NDST3: variants seen among roughly 807,000 people sequenced by gnomAD.
NDST3 encodes the protein N-deacetylase and N-sulfotransferase 3.
NDST3 carries 58 observed loss-of-function variants against 96.1 expected under a neutral mutation model. The ratio of observed to expected loss-of-function variants is 0.60; its 90% CI spans 0.49 to 0.75. The LOEUF (loss-of-function observed/expected upper bound fraction) is 0.75. NDST3 is among the 30% of genes least tolerant of loss of function. NDST3 has a pLI of 0.00. For missense variants in NDST3, 788 were observed against 1,034.2 expected, an observed-to-expected ratio of 0.76 and a Z score of 3.27; for synonymous variants, 333 against 359.7, an observed-to-expected ratio of 0.93 and a Z score of 0.84.
chr4:118,097,948 T>C (rs1729477523), intron 2 of NDST3, among the ~76,000 whole-genome samples: 1 of 151,954 alleles, frequency 6.6e-6, no homozygotes, highest in South Asian at 2.1e-4. Flanking sequence ...ACATTGCTCA[T>C]GGAGTTTATA....
At chr4:118,086,072 A>AT (rs34238547) in intron 2 of NDST3, among the ~76,000 whole-genome samples, 2 of 152,070 alleles carry the variant, frequency 1.3e-5, no homozygotes, top group Admixed American at 6.6e-5. Flanking sequence ...GTAGGTCTTT[A>AT]TTTTTTCAGG....
chr4:118,146,971 A>G (rs1379578546), intron 6 of NDST3, among the ~76,000 whole-genome samples: 2 of 152,216 alleles, frequency 1.3e-5, no homozygotes, highest in Admixed American at 6.5e-5. Context: ...TATGTTAATC[A>G]TAGGAACTTG....
At chr4:118,121,376 AT>A (rs1731554977) in intron 4 of NDST3, among the ~76,000 whole-genome samples, 1 of 152,168 alleles carries the variant, frequency 6.6e-6, no homozygotes, top group Non-Finnish European at 1.5e-5. Flanking sequence ...ATATCTAATT[AT>A]TTTTAGAATT....
In NDST3 at chr4:118,162,861, G is replaced by A. The variant is rs551600269; in HGVS notation, c.1539+19177G>A. Among the ~76,000 whole-genome samples, 276 of 148,322 alleles carry A rather than the reference G, an allele frequency of 1.9e-3. 2 individuals are homozygous for A. Among genetic ancestry groups the A allele is most frequent in the African/African-American group, 6.5e-3 (265 of 40,502 alleles). On this transcript the variant is annotated intron_variant, in intron 6 of 13. Coordinates refer to ENST00000296499, the MANE Select transcript of NDST3 (RefSeq NM_004784.3). The stretch of plus-strand genomic sequence containing the variant: ...TTCACAACCTACTCATCTGACAAAG[G>A]GCTAATATCCAGAATCTACAATGAA...
intron 2 of NDST3, among the ~76,000 whole-genome samples, chr4:118,057,534 G>A (rs1211571765): frequency 6.6e-6 from 1 of 152,110 alleles, no homozygotes; most frequent in Non-Finnish European, 1.5e-5. Flanking sequence ...GACAAGTAGA[G>A]GGAAATATCC....
chr4:118,250,704 G>C (rs1221977813), intron 12 of NDST3, among the ~76,000 whole-genome samples: 1 of 152,056 alleles, frequency 6.6e-6, no homozygotes, highest in Non-Finnish European at 1.5e-5. Flanking sequence ...GGCTGGTCTT[G>C]AACTCCCGAC....
intron 6 of NDST3, among the ~76,000 whole-genome samples, chr4:118,166,049 G>T (rs1735526575): frequency 6.6e-6 from 1 of 151,284 alleles, no homozygotes; most frequent in African/African-American, 2.4e-5. Flanking sequence ...AAAATTAGTA[G>T]AAAGGAAACA....
intron 6 of NDST3, among the ~76,000 whole-genome samples, chr4:118,152,366 C>T (rs921880092): frequency 6.6e-6 from 1 of 152,170 alleles, no homozygotes; most frequent in African/African-American, 2.4e-5. Context: ...TAATGTGGGA[C>T]TCCAGAAAGC....
In NDST3 at chr4:118,138,045, T is replaced by C. The variant is rs936537073; in HGVS notation, c.1225-9T>C. 1 of 1,569,156 alleles carries C rather than the reference T, an allele frequency of 6.4e-7. No individual in the cohort carries two copies. The highest frequency in any genetic ancestry group is 2.0e-5 in the Admixed American group (1 of 51,120). ...TTACACGCTCCAATTAACATTTGCT[T>C]GGTCTTAGGAGCACGGCATTCCAAC... On this transcript the variant is annotated splice_polypyrimidine_tract_variant and intron_variant, in intron 4 of 13. Transcript: ENST00000296499.
intron 4 of NDST3, among the ~76,000 whole-genome samples, chr4:118,119,405 T>C (rs1294675761): frequency 6.6e-6 from 1 of 152,204 alleles, no homozygotes; most frequent in African/African-American, 2.4e-5. Context: ...ATTTCAGTGA[T>C]GCACTTTATA....
chr4:118,200,027 T>C (rs964917772), intron 6 of NDST3, among the ~76,000 whole-genome samples: 1 of 152,194 alleles, frequency 6.6e-6, no homozygotes, highest in East Asian at 1.9e-4. Context: ...GCCCAAGCCC[T>C]GCTGTAACCA....
intron 4 of NDST3, among the ~76,000 whole-genome samples, chr4:118,124,305 A>C (rs1440170830): frequency 6.6e-6 from 1 of 152,116 alleles, no homozygotes; most frequent in Non-Finnish European, 1.5e-5. Context: ...TAATGGTGAG[A>C]GGAGTCTTAG....
Position 118,038,448 on chromosome 4 carries a change from C to G in NDST3, c.-156+3856C>G, listed in dbSNP as rs116421277. ...TAATGTACCAAACAAAGCTAATGCC[C>G]TCAAGTGCAGCTTTTCTCCCATCCA... On this transcript the variant is annotated intron_variant, in intron 1 of 13. Transcript: ENST00000296499. Among the ~76,000 whole-genome samples the G allele has an allele frequency of 3.4e-3, 511 of 152,228 alleles. 3 individuals carry two copies. The highest frequency in any genetic ancestry group is 0.011 in the African/African-American group (468 of 41,536).
intron 6 of NDST3, among the ~76,000 whole-genome samples, chr4:118,218,183 C>T (rs2125990678): frequency 6.6e-6 from 1 of 152,264 alleles, no homozygotes; most frequent in Admixed American, 6.5e-5. Context: ...TCCTCCCTAA[C>T]TCATTTTATA....
chr4:118,131,899 C>T (rs1732650292), intron 4 of NDST3, among the ~76,000 whole-genome samples: 1 of 151,972 alleles, frequency 6.6e-6, no homozygotes. Context: ...TTAGTTTCTC[C>T]CAAACAAACA....
chr4:118,182,768 G>C (rs1450026096), intron 6 of NDST3, among the ~76,000 whole-genome samples: 1 of 152,120 alleles, frequency 6.6e-6, no homozygotes, highest in Non-Finnish European at 1.5e-5. Flanking sequence ...TAAGACAAAA[G>C]GAGAATCTCA....
At chr4:118,202,253 G>A (rs1738140084) in intron 6 of NDST3, among the ~76,000 whole-genome samples, 1 of 152,078 alleles carries the variant, frequency 6.6e-6, no homozygotes. Context: ...TTGAAGTTGG[G>A]TAATGTGATA....
intron 6 of NDST3, among the ~76,000 whole-genome samples, chr4:118,216,249 C>T (rs776334802): frequency 1.3e-5 from 2 of 151,966 alleles, no homozygotes; most frequent in Non-Finnish European, 2.9e-5. Flanking sequence ...TGATCAGAAG[C>T]ACATTGATTG....
intron 6 of NDST3, among the ~76,000 whole-genome samples, chr4:118,151,359 C>T (rs1218066381): frequency 6.6e-6 from 1 of 151,836 alleles, no homozygotes; most frequent in African/African-American, 2.4e-5. Context: ...GCATATTGTG[C>T]ACATGTACCC....
Sources: allele counts gnomAD v4.1 joint callset (sites outside exome capture counted in the v4.1 genomes callset), GRCh38; gene constraint gnomAD v4.1.1; transcripts MANE v1.5; gene names NCBI Gene and HGNC (gene_info 2026-07-23, HGNC 2026-07-21).